The following MOV10 variants were observed in gnomAD, a reference collection of about 807,000 sequenced individuals.
MOV10 encodes Mov10 RNA helicase, also known as RNA helicase MOV-10.
MOV10 carries 39 observed loss-of-function variants against 108.4 expected under a neutral mutation model. That is an observed-to-expected ratio of 0.36 (90% CI 0.28 to 0.47). MOV10 has a LOEUF of 0.47. Among genes scored for constraint, MOV10 ranks in the 20% least tolerant of loss-of-function variants. The pLI is 1.00. For synonymous variants in MOV10, 490 were observed against 523.1 expected (o/e 0.94, Z 0.86); for missense variants, 952 against 1,297.6 (o/e 0.73, Z 4.09).
rs1673906438 is a variant in MOV10 at position 112,694,721 on chromosome 1, A to G, written c.1473-28A>G. The G allele has an allele frequency of 6.2e-7, 1 of 1,609,828 alleles. No individual in the cohort carries two copies. The highest frequency in any genetic ancestry group is 8.5e-7 in the Non-Finnish European group (1 of 1,176,968). ...GGCCTCTGGGTCACTGGATGACTTC[A>G]AGTTCACATTCCTGGTCCCTCTGCC... On this transcript the variant is annotated intron_variant, in intron 9 of 20. Coordinates refer to ENST00000369645, the MANE Select transcript of MOV10 (RefSeq NM_001321324.2). This position sits in a 1 kb window ranked among gnomAD's most constrained non-coding sequence, Gnocchi z 4.1.
chr1:112,688,984 A>G lies in MOV10; in HGVS notation c.187A>G (p.Ile63Val), dbSNP rs1449778327. The change falls in exon 3 of 21, where the codon ATT becomes GTT. Residue 63 changes from isoleucine to valine, a missense_variant. Around this residue, in one of 5 missense-constraint regions of MOV10, gnomAD observed 374 missense variants for 468.6 expected, o/e 0.80. Transcript: ENST00000369645. ...CTCCTCCATGCTGTATGGAATGAAGATTGCAAATCTGGCCTACGTCACCAA... is the reference window on the plus strand; with the variant it reads ...CTCCTCCATGCTGTATGGAATGAAGGTTGCAAATCTGGCCTACGTCACCAA... ...GFSSMLYGMK[I>V]ANLAYVTKTR... 4 of 1,612,410 alleles carry G rather than the reference A, an allele frequency of 2.5e-6. No individual in the cohort carries two copies. The highest frequency in any genetic ancestry group is 2.1e-4 in the Middle Eastern group (1 of 4,712).
chr1:112,674,928 A>G lies in MOV10; in HGVS notation c.16A>G (p.Ser6Gly). The change falls in exon 2 of 21, where the codon AGC becomes GGC. Residue 6 changes from serine (S) to glycine (G), a missense_variant. Around this residue, in one of 5 missense-constraint regions of MOV10, gnomAD observed 374 missense variants for 468.6 expected, o/e 0.80. Coordinates refer to ENST00000369645, the MANE Select transcript of MOV10 (RefSeq NM_001321324.2). ...CGCCGCCGCGATGCCCAGTAAGTTCAGCTGCCGGCAGCTCCGGGAGGCGGG... is the reference window on the plus strand; with the variant it reads ...CGCCGCCGCGATGCCCAGTAAGTTCGGCTGCCGGCAGCTCCGGGAGGCGGG... MPSKF[S>G]CRQLREAGQC... is the part of the protein sequence containing the mutation. 6.3e-7 allele frequency: 1 copy of G among 1,584,412 alleles called. No homozygotes were observed. Among genetic ancestry groups the G allele is most frequent in the Non-Finnish European group, 8.6e-7 (1 of 1,166,296 alleles).
chr1:112,685,083 A>T (rs2101310026), intron 2 of MOV10: 1 of 152,162 alleles, frequency 6.6e-6, no homozygotes, highest in African/African-American at 2.4e-5. Context: ...GCAGTGGCGT[A>T]ATCACAGCTC....
At position 112,700,427 on chromosome 1, in the gene MOV10, C is replaced by G. The variant is rs200652089; in HGVS notation, c.2932C>G (p.His978Asp). 5.6e-6 allele frequency: 9 copies of G among 1,613,614 alleles called. No homozygotes were observed. In the East Asian group the frequency reaches 1.8e-4, roughly 32 times the overall value. The change falls in exon 21 of 21, where the codon CAT (histidine) becomes GAT (aspartate). Residue 978 changes from histidine to aspartate, a missense_variant. By Grantham distance (81) the His-to-Asp change is moderately conservative (BLOSUM62 -1). Around this residue, in one of 5 missense-constraint regions of MOV10, gnomAD observed 42 missense variants for 36.5 expected, o/e 1.15. Coordinates refer to ENST00000369645, the MANE Select transcript of MOV10 (RefSeq NM_001321324.2). ...LSPSTSGPHSHDYLPQEREGE... is the reference protein window; with the variant it reads ...LSPSTSGPHSDDYLPQEREGE... ...TTCTCTCTTTCCAGGGCCCCACAGC[C>G]ATGACTACCTCCCCCAGGAGCGGGA...
chr1:112,682,778 T>G (rs998402289), intron 2 of MOV10, among the ~76,000 whole-genome samples: 8 of 152,228 alleles, frequency 5.3e-5, no homozygotes, highest in Middle Eastern at 3.2e-3. Context: ...TTGAGATTCA[T>G]CCACAATGTA....
chr1:112,689,328 G>A (rs1454695701), intron 3 of MOV10, 87 bp from the exon 4 acceptor site: 25 of 1,362,290 alleles, frequency 1.8e-5, no homozygotes, highest in Non-Finnish European at 2.6e-5. Context: ...CACTTTGCCT[G>A]CCTCCCAAGC....
intron 2 of MOV10, among the ~76,000 whole-genome samples, chr1:112,683,076 C>T (rs565880456): frequency 4.7e-4 from 72 of 151,858 alleles, no homozygotes; most frequent in African/African-American, 1.1e-3. Context: ...CCTGCCACAA[C>T]GCCTGGCTAA....
chr1:112,680,680 T>G (rs1473445416), intron 2 of MOV10, among the ~76,000 whole-genome samples: 1 of 132,226 alleles, frequency 7.6e-6, no homozygotes, highest in African/African-American at 2.8e-5. Context: ...AAAAAAAAAC[T>G]TTTGGTGATC....
At chr1:112,699,353 A>G in intron 17 of MOV10, 1 of 660,364 alleles carries the variant, frequency 1.5e-6, no homozygotes, top group Non-Finnish European at 2.0e-6. Context: ...GTTAGGGCCC[A>G]GGGTTGTATA....
intron 5 of MOV10, 24 bp downstream of exon 5, chr1:112,690,122 C>A: frequency 6.2e-7 from 1 of 1,608,158 alleles, no homozygotes; most frequent in South Asian, 1.1e-5. Flanking sequence ...CCAACTCAGC[C>A]CTGGCTGGGC....
At chr1:112,698,532 C>T in intron 16 of MOV10, 54 bp downstream of exon 16, 1 of 1,566,914 alleles carries the variant, frequency 6.4e-7, no homozygotes, top group African/African-American at 1.4e-5. Flanking sequence ...ATGGTACCTC[C>T]TTAATATCCA....
chr1:112,688,279 T>G (rs1557758344), intron 2 of MOV10: 257 of 885,882 alleles, frequency 2.9e-4, no homozygotes, highest in South Asian at 4.1e-4. Context: ...CACTGAGCCT[T>G]GAGGTTATTG....
rs1228380233 is a variant in MOV10, at chr1:112,689,052, G to A, written c.255G>A (p.Val85=). 1.2e-6 allele frequency: 2 copies of A among 1,612,472 alleles called. No homozygotes were observed. Among genetic ancestry groups the A allele is most frequent in the Non-Finnish European group, 1.7e-6 (2 of 1,180,040 alleles). ...TCAGACTCGACCGCTGGGCCGACGT[G>A]CGGTTCCCAGAAAAGAGGAGAATGA... is the stretch of plus-strand genomic sequence containing the variant. ...RFFRLDRWAD[V]RFPEKRRMKL... The change falls in exon 3 of 21, where the codon GTG becomes GTA. Residue 85 remains valine (V), a synonymous_variant. Transcript: ENST00000369645.
At position 112,685,321 on chromosome 1, in the gene MOV10, C is replaced by A. The variant is rs867325260; in HGVS notation, c.138-3614C>A. Among the ~76,000 whole-genome samples the A allele has an allele frequency of 2.7e-4, 41 of 151,256 alleles. 2 individuals are homozygous for A. Among genetic ancestry groups the A allele is most frequent in the Admixed American group, 2.0e-4 (3 of 15,130 alleles). Reference sequence around the variant, plus strand: ...CACTTGACCTAGTTTTATTTTATAGCTGCTGGTTTCCAGTCTTGGTTAGAA... The same window carrying A: ...CACTTGACCTAGTTTTATTTTATAGATGCTGGTTTCCAGTCTTGGTTAGAA... On this transcript the variant is annotated intron_variant, in intron 2 of 20. Coordinates refer to ENST00000369645, the MANE Select transcript of MOV10 (RefSeq NM_001321324.2).
rs937117608 is a variant in MOV10 at position 112,699,667 on chromosome 1, T to C, written c.2584-18T>C. Reference sequence around the variant, plus strand: ...GACACCCCTGGCTGGTCTCAGGCCCTGCCTCTTTCCCCACTAGGTGGGTTC... The same window carrying C: ...GACACCCCTGGCTGGTCTCAGGCCCCGCCTCTTTCCCCACTAGGTGGGTTC... On this transcript the variant is annotated intron_variant, in intron 17 of 20. Transcript: ENST00000369645. The C allele has an allele frequency of 5.0e-6, 8 of 1,614,138 alleles. No homozygotes were observed. The highest frequency in any genetic ancestry group is 3.3e-5 in the Admixed American group (2 of 60,028).
intron 11 of MOV10, 77 bp from the exon 12 acceptor site, chr1:112,696,071 G>C (rs189373915): frequency 4.3e-5 from 41 of 946,882 alleles, no homozygotes; most frequent in African/African-American, 1.5e-4. Flanking sequence ...TTGTTTGAGG[G>C]GGGGTACCCA....
rs1331368928 is a variant in MOV10 at position 112,694,036 on chromosome 1, A to T, written c.1159A>T (p.Ser387Cys). 2 of 1,613,864 alleles carry T rather than the reference A, an allele frequency of 1.2e-6. No homozygotes were observed. Among genetic ancestry groups the T allele is most frequent in the African/African-American group, 2.7e-5 (2 of 74,876 alleles). Reference protein sequence around the residue: ...LTLEVPGVTESRPSVLRGDHL... With the variant: ...LTLEVPGVTECRPSVLRGDHL... ...CCCATAGGTTCCTGGAGTGACTGAG[A>T]GCCGCCCCTCAGTGCTACGGGGCGA... Residue 387 changes from serine (S) to cysteine (C), a missense_variant, in exon 8 of 21, where the codon AGC (serine) becomes TGC (cysteine). Coordinates refer to ENST00000369645, the MANE Select transcript of MOV10 (RefSeq NM_001321324.2). This position sits in a 1 kb window ranked among gnomAD's most constrained non-coding sequence, Gnocchi z 4.1.
At chr1:112,687,988 C>T (rs1452159683) in intron 2 of MOV10, among the ~76,000 whole-genome samples, 1 of 152,118 alleles carries the variant, frequency 6.6e-6, no homozygotes, top group Non-Finnish European at 1.5e-5. Context: ...AATGCCCACT[C>T]ATCCTCAGGA....
chr1:112,694,422 AC>A lies in MOV10; in HGVS notation c.1296-30del. 6.2e-7 allele frequency: 1 copy of A among 1,613,342 alleles called. No homozygotes were observed. Among genetic ancestry groups the A allele is most frequent in the Non-Finnish European group, 8.5e-7 (1 of 1,179,932 alleles). On this transcript the variant is annotated intron_variant, in intron 8 of 20. Coordinates refer to ENST00000369645, the MANE Select transcript of MOV10 (RefSeq NM_001321324.2). This position sits in a 1 kb window ranked among gnomAD's most constrained non-coding sequence, Gnocchi z 4.1. ...TTTATTGCCCACCTCCCCTGCCCCA[AC>A]AAACTCTTACCACCTCTCTCTGCCC...
Sources: allele counts gnomAD v4.1 joint callset (sites outside exome capture counted in the v4.1 genomes callset), GRCh38; gene constraint gnomAD v4.1.1; regional missense constraint gnomAD v4.1.1; non-coding constraint Gnocchi (gnomAD v3.1); transcripts MANE v1.5; gene names NCBI Gene and HGNC (gene_info 2026-07-23, HGNC 2026-07-21).